CTNNBL1: variants seen among roughly 807,000 people sequenced by gnomAD.
CTNNBL1 encodes the protein catenin beta like 1.
A neutral mutation model predicts 72.7 loss-of-function variants in CTNNBL1; 31 were observed. That is an observed-to-expected ratio of 0.43 (90% CI 0.32 to 0.58). The LOEUF (loss-of-function observed/expected upper bound fraction) is 0.58, where lower values mean the gene tolerates loss of function less well. Among genes scored for constraint, CTNNBL1 ranks in the 20% least tolerant of loss-of-function variants. The probability of loss-of-function intolerance (pLI) is 0.08; values close to 1 mark genes in which losing one functional copy is unlikely to be tolerated. For missense variants in CTNNBL1, 534 were observed against 725.1 expected (o/e 0.74, Z 3.03); for synonymous variants, 240 against 267.3 (o/e 0.90, Z 1.00).
chr20:37,753,050 T>A (rs1286152050), intron 4 of CTNNBL1, among the ~76,000 whole-genome samples: 2 of 152,116 alleles, frequency 1.3e-5, no homozygotes, highest in Non-Finnish European at 2.9e-5. Context: ...TCATCAAGAT[T>A]GAGAGTTTGT....
intron 1 of CTNNBL1, among the ~76,000 whole-genome samples, chr20:37,715,233 G>T (rs1171776766): frequency 2.6e-5 from 4 of 152,146 alleles, no homozygotes; most frequent in Admixed American, 1.3e-4. Context: ...AGACTGACGG[G>T]CAGCGTTTGA....
intron 13 of CTNNBL1, among the ~76,000 whole-genome samples, chr20:37,844,760 G>C (rs1390529434): frequency 6.6e-6 from 1 of 152,028 alleles, no homozygotes; most frequent in South Asian, 2.1e-4. Flanking sequence ...CAGCCTGGCC[G>C]ACAAAGCAAA....
At chr20:37,779,050 A>T in intron 9 of CTNNBL1, 137 bp from the exon 10 acceptor site, 1 of 786,840 alleles carries the variant, frequency 1.3e-6, no homozygotes. Context: ...ATGGAAACTG[A>T]TGAGAATTTT....
At chr20:37,778,411 C>T (rs1222172213) in intron 9 of CTNNBL1, among the ~76,000 whole-genome samples, 4 of 152,132 alleles carry the variant, frequency 2.6e-5, no homozygotes. Context: ...TGCCAGCAGC[C>T]TGAGTGTCTT....
Position 37,694,087 on chromosome 20 carries a change from G to A in CTNNBL1, c.-36G>A, listed in dbSNP as rs1038587627. 6.2e-7 allele frequency: 1 copy of A among 1,601,108 alleles called. No homozygotes were observed. The highest frequency in any genetic ancestry group is 8.5e-7 in the Non-Finnish European group (1 of 1,174,974). Reference sequence around the variant, plus strand: ...TGACGGGCCCGCGGTCTGGGCGTGAGTGCAGGGAAGTGGAGTATTTGCTGG... The same window carrying A: ...TGACGGGCCCGCGGTCTGGGCGTGAATGCAGGGAAGTGGAGTATTTGCTGG... On this transcript the variant is annotated 5_prime_UTR_variant, in exon 1 of 16. It adds an upstream start codon to the 5' untranslated region. Transcript: ENST00000361383.
chr20:37,785,457 CT>C (rs2073664696), intron 10 of CTNNBL1, among the ~76,000 whole-genome samples: 1 of 152,070 alleles, frequency 6.6e-6, no homozygotes, highest in African/African-American at 2.4e-5. Flanking sequence ...CTTTCTTATT[CT>C]TTTTTTCTTT....
At chr20:37,790,617 T>A (rs1386291246) in intron 10 of CTNNBL1, among the ~76,000 whole-genome samples, 2 of 152,168 alleles carry the variant, frequency 1.3e-5, no homozygotes, top group African/African-American at 4.8e-5. Flanking sequence ...AAGTAATCCT[T>A]CCAACAGTCC....
intron 13 of CTNNBL1, among the ~76,000 whole-genome samples, chr20:37,845,607 C>T (rs754033583): frequency 1.8e-4 from 28 of 152,184 alleles, no homozygotes; most frequent in Non-Finnish European, 3.5e-4. Flanking sequence ...CAGGCGCCAT[C>T]CTAGCAGATG....
At chr20:37,754,747 G>A (rs1288179845) in intron 4 of CTNNBL1, among the ~76,000 whole-genome samples, 1 of 151,958 alleles carries the variant, frequency 6.6e-6, no homozygotes, top group South Asian at 2.1e-4. Flanking sequence ...GTTGGCAATA[G>A]CATTGTTATT....
chr20:37,852,788 G>A (rs1239125685), intron 13 of CTNNBL1, among the ~76,000 whole-genome samples: 2 of 152,148 alleles, frequency 1.3e-5, no homozygotes, highest in Admixed American at 1.3e-4. Context: ...TCACTGCAGT[G>A]GGTTGAGTTG....
chr20:37,786,241 G>A (rs2073672291), intron 10 of CTNNBL1, among the ~76,000 whole-genome samples: 1 of 152,146 alleles, frequency 6.6e-6, no homozygotes, highest in Admixed American at 6.5e-5. Flanking sequence ...TTCACCCAAG[G>A]CTCACATTGA....
chr20:37,790,639 G>A (rs776185888), intron 10 of CTNNBL1, among the ~76,000 whole-genome samples: 12 of 152,202 alleles, frequency 7.9e-5, no homozygotes, highest in South Asian at 2.1e-4. Flanking sequence ...CCAGGCTGGC[G>A]TTACCTTTTA....
rs1475554672 is a variant in CTNNBL1 at position 37,850,067 on chromosome 20, TCTTA to T, written c.1392+7656_1392+7659del. ...CTCAGTCTTCACAAATAGGGACTAA[TCTTA>T]CTTACTTTCTCCTTTTCTCCAGTAG... On this transcript the variant is annotated intron_variant, in intron 13 of 15. Coordinates refer to ENST00000361383, the MANE Select transcript of CTNNBL1 (RefSeq NM_030877.5). Among the ~76,000 whole-genome samples, 7 of 152,354 alleles carry T rather than the reference TCTTA, an allele frequency of 4.6e-5. No individual in the cohort carries two copies. The East Asian group carries it at 7.7e-4, about 17-fold the overall frequency.
At chr20:37,830,648 G>A (rs1196783426) in intron 11 of CTNNBL1, among the ~76,000 whole-genome samples, 3 of 152,018 alleles carry the variant, frequency 2.0e-5, no homozygotes, top group Non-Finnish European at 4.4e-5. Flanking sequence ...GTACCATGGG[G>A]TTATGTCCCA....
intron 13 of CTNNBL1, among the ~76,000 whole-genome samples, chr20:37,853,616 A>G (rs889035427): frequency 3.9e-5 from 6 of 152,232 alleles, no homozygotes; most frequent in Admixed American, 3.3e-4. Flanking sequence ...AAAAGGAGTC[A>G]GAAGTGTATT....
chr20:37,840,685 G>A (rs188183513), intron 12 of CTNNBL1, among the ~76,000 whole-genome samples: 3 of 152,364 alleles, frequency 2.0e-5, no homozygotes, highest in East Asian at 3.9e-4. Context: ...GTAATAAAAT[G>A]AAGATAATGA....
chr20:37,809,143 A>G (rs997314526), intron 11 of CTNNBL1, among the ~76,000 whole-genome samples: 2 of 152,152 alleles, frequency 1.3e-5, no homozygotes, highest in African/African-American at 4.8e-5. Context: ...GCCCTCAGCA[A>G]ATTTACAGTT....
chr20:37,843,010 G>A (rs2072317900), intron 13 of CTNNBL1, among the ~76,000 whole-genome samples: 2 of 152,134 alleles, frequency 1.3e-5, no homozygotes, highest in African/African-American at 4.8e-5. Context: ...TTTTCTGGAG[G>A]GGCTGTGCTT....
intron 13 of CTNNBL1, 27 bp downstream of exon 13, chr20:37,842,446 A>C (rs1161705088): frequency 6.4e-7 from 1 of 1,559,368 alleles, no homozygotes; most frequent in East Asian, 2.2e-5. Flanking sequence ...CACTTTTGCC[A>C]GCTATTGACT....
Sources: gnomAD v4.1 joint callset for allele counts (sites outside exome capture counted in the v4.1 genomes callset) on GRCh38, gnomAD v4.1.1 for gene constraint, MANE v1.5 for transcripts, NCBI Gene and HGNC (gene_info 2026-07-23, HGNC 2026-07-21) for gene names.